Variants in USP53 observed in about 807,000 individuals in gnomAD.
The protein encoded by USP53 is ubiquitin specific peptidase 53.
A neutral mutation model predicts 94.9 loss-of-function variants in USP53; 71 were observed. That is an observed-to-expected ratio of 0.75 (90% CI 0.62 to 0.91). The LOEUF (loss-of-function observed/expected upper bound fraction) is 0.91, where lower values mean the gene tolerates loss of function less well. Among genes scored for constraint, USP53 ranks in the 40% least tolerant of loss-of-function variants. USP53 has a pLI of 0.00. For synonymous variants in USP53, 375 were observed against 422.7 expected, an observed-to-expected ratio of 0.89 and a Z score of 1.39; for missense variants, 1,173 against 1,281.0, an observed-to-expected ratio of 0.92 and a Z score of 1.29.
chr4:119,278,607 T>C (rs1345733657), intron 17 of USP53, among the ~76,000 whole-genome samples: 1 of 97,976 alleles, frequency 1.0e-5, no homozygotes, highest in Non-Finnish European at 2.2e-5. Flanking sequence ...AGGAGTATCT[T>C]TGTGGCGTTC....
At chr4:119,240,655 T>C (rs1246529562) in intron 5 of USP53, among the ~76,000 whole-genome samples, 1 of 152,196 alleles carries the variant, frequency 6.6e-6, no homozygotes, top group African/African-American at 2.4e-5. Context: ...GCATTGTTTT[T>C]TCTTTTGAAA....
intron 17 of USP53, among the ~76,000 whole-genome samples, chr4:119,275,894 CTGTT>C (rs1167067784): frequency 5.3e-5 from 8 of 151,322 alleles, no homozygotes; most frequent in East Asian, 2.0e-4. Context: ...ATTTGGCTCT[CTGTT>C]TGTCTGTTGT....
rs141374345 is a variant in USP53 at position 119,234,484 on chromosome 4, A to T, written c.-664-806A>T. Among the ~76,000 whole-genome samples, 418 of 152,330 alleles carry T rather than the reference A, an allele frequency of 2.7e-3. 1 individual carries two copies. Among genetic ancestry groups the T allele is most frequent in the African/African-American group, 9.7e-3 (404 of 41,582 alleles). On this transcript the variant is annotated intron_variant, in intron 3 of 18. Coordinates refer to ENST00000692078, the MANE Select transcript of USP53 (RefSeq NM_001371395.1). ...TGTTTGTGTCTGTGCCCCTCAGCAAACTAAGCCCCTTAAGGGTAGTGATTT... is the reference window on the plus strand; with the variant it reads ...TGTTTGTGTCTGTGCCCCTCAGCAATCTAAGCCCCTTAAGGGTAGTGATTT...
At chr4:119,273,212 G>C (rs1336502253) in intron 16 of USP53, 1 of 153,140 alleles carries the variant, frequency 6.5e-6, no homozygotes, top group African/African-American at 2.4e-5. Context: ...CTACTTGGGA[G>C]GCTGAGGTGG....
intron 4 of USP53, among the ~76,000 whole-genome samples, chr4:119,236,089 T>A (rs984780063): frequency 2.4e-4 from 36 of 152,350 alleles, no homozygotes; most frequent in African/African-American, 8.7e-4. Context: ...ACAAAACTGT[T>A]AGTAATACAG....
At chr4:119,256,683 T>C (rs1199098005) in intron 9 of USP53, among the ~76,000 whole-genome samples, 160 bp downstream of exon 9, 1 of 152,168 alleles carries the variant, frequency 6.6e-6, no homozygotes, top group African/African-American at 2.4e-5. Flanking sequence ...TCTATCAAAG[T>C]TGGATGTTTG....
In USP53 at chr4:119,269,711, C is replaced by T; in HGVS notation, c.1309C>T (p.Gln437Ter). ...KGPAKLSHID[Q>*]REKIKDISRE... The stretch of plus-strand genomic sequence containing the variant: ...TACAGCTAAGTTAAGTCACATTGAT[C>T]AAAGGGAAAAGATAAAAGACATTTC... Residue 437 changes from glutamine (Q) to a stop codon, truncating the protein, a stop_gained, in exon 15 of 19, where the codon CAA (glutamine) becomes TAA (stop). Coordinates refer to ENST00000692078, the MANE Select transcript of USP53 (RefSeq NM_001371395.1). LOFTEE classifies it high-confidence loss of function. 1.4e-6 allele frequency: 2 copies of T among 1,476,496 alleles called. No homozygotes were observed. The highest frequency in any genetic ancestry group is 1.8e-6 in the Non-Finnish European group (2 of 1,115,042). The allele number at this position is 1,476,496 out of a possible 1,614,324, so 91.5% of individuals were successfully genotyped here.
chr4:119,256,572 A>G lies in USP53; in HGVS notation c.569+49A>G, dbSNP rs780594531. On this transcript the variant is annotated intron_variant, in intron 9 of 18. Transcript: ENST00000692078. ...TATCAACGATATTAATAACATATTT[A>G]AGCACATTGAGCACTTATTTTATAA... is the stretch of plus-strand genomic sequence containing the variant. 5 of 1,566,418 alleles carry G rather than the reference A, an allele frequency of 3.2e-6. No homozygotes were observed. The African/African-American group carries it at 6.8e-5, about 21-fold the overall frequency.
At chr4:119,279,834 G>A (rs938509017) in intron 17 of USP53, among the ~76,000 whole-genome samples, 2 of 152,176 alleles carry the variant, frequency 1.3e-5, no homozygotes, top group African/African-American at 2.4e-5. Flanking sequence ...TCCGAAAAGC[G>A]CAATATTCGG....
At chr4:119,269,107 T>A (rs1444093300) in intron 14 of USP53, among the ~76,000 whole-genome samples, 1 of 152,232 alleles carries the variant, frequency 6.6e-6, no homozygotes, top group African/African-American at 2.4e-5. Context: ...AAAGGCTTTT[T>A]AAAAATTCTT....
In USP53 at chr4:119,239,715, A is replaced by G. The variant is rs758797899; in HGVS notation, c.-45A>G. ...ATTTTATTGTCCAAAATATTACATA[A>G]AAGTGTACAGTTTTTAGCCTAAATG... On this transcript the variant is annotated 5_prime_UTR_variant, in exon 5 of 19. The change abolishes the stop of an existing upstream ORF in the 5' untranslated region. Coordinates refer to ENST00000692078, the MANE Select transcript of USP53 (RefSeq NM_001371395.1). 7.7e-6 allele frequency: 12 copies of G among 1,567,912 alleles called. No individual in the cohort carries two copies. The highest frequency in any genetic ancestry group is 1.4e-5 in the African/African-American group (1 of 73,256).
chr4:119,270,195 A>G (rs1396579514), intron 15 of USP53, among the ~76,000 whole-genome samples: 1 of 151,596 alleles, frequency 6.6e-6, no homozygotes, highest in Admixed American at 6.6e-5. Context: ...CCTGGGTTCA[A>G]GCTCTCCTCA....
intron 7 of USP53, 72 bp from the exon 8 acceptor site, chr4:119,256,174 G>A: frequency 9.3e-7 from 1 of 1,073,310 alleles, no homozygotes; most frequent in Non-Finnish European, 1.3e-6. Flanking sequence ...ATAATCTGCA[G>A]GTAAAGAGTT....
chr4:119,269,963 A>G, intron 15 of USP53, 126 bp downstream of exon 15: 1 of 323,448 alleles, frequency 3.1e-6, no homozygotes. Flanking sequence ...ATAAATATAT[A>G]AGTTAAATAT....
chr4:119,235,971 G>A (rs999399955), intron 4 of USP53, among the ~76,000 whole-genome samples: 5 of 152,056 alleles, frequency 3.3e-5, no homozygotes, highest in Non-Finnish European at 2.9e-5. Context: ...TATTCCTTAA[G>A]GTATTGTCTG....
intron 7 of USP53, among the ~76,000 whole-genome samples, chr4:119,254,635 A>G (rs781704431): frequency 6.6e-6 from 1 of 152,016 alleles, no homozygotes; most frequent in African/African-American, 2.4e-5. Flanking sequence ...CCTTTTTTCA[A>G]GGTTTTTAGC....
At chr4:119,278,168 G>A (rs377349884) in intron 17 of USP53, among the ~76,000 whole-genome samples, 14 of 146,636 alleles carry the variant, frequency 9.5e-5, no homozygotes, top group East Asian at 8.2e-4. Context: ...GATTTTGCTC[G>A]TTAGTTGATG....
chr4:119,272,701 CTGT>C (rs988467081), intron 16 of USP53: 1 of 152,186 alleles, frequency 6.6e-6, no homozygotes, highest in African/African-American at 2.4e-5. Context: ...TATGCCCAGG[CTGT>C]TGTTTAATTC....
At position 119,245,387 on chromosome 4, in the gene USP53, A is replaced by G. The variant is rs749927436; in HGVS notation, c.195A>G (p.Gly65=). 3 of 1,613,840 alleles carry G rather than the reference A, an allele frequency of 1.9e-6. No homozygotes were observed. Among genetic ancestry groups the G allele is most frequent in the Admixed American group, 3.3e-5 (2 of 59,998 alleles). ...IFRRSLRVLT[G]HVCQGDACIF... ...GACGAAGCTTGCGGGTTTTGACTGG[A>G]CATGTTTGTCAGGGAGATGCCTGTA... The change falls in exon 6 of 19, where the codon GGA becomes GGG. Residue 65 remains glycine, a synonymous_variant. Transcript: ENST00000692078.
Sources: allele counts gnomAD v4.1 joint callset (sites outside exome capture counted in the v4.1 genomes callset), GRCh38; gene constraint gnomAD v4.1.1; transcripts MANE v1.5; gene names NCBI Gene and HGNC (gene_info 2026-07-23, HGNC 2026-07-21).